The following KSR2 variants were observed in gnomAD, a reference collection of about 807,000 sequenced individuals.
The protein encoded by KSR2 is kinase suppressor of ras 2.
KSR2 carries 25 observed loss-of-function variants against 107.8 expected under a neutral mutation model. The ratio of observed to expected loss-of-function variants is 0.23; its 90% confidence interval spans 0.17 to 0.32. The LOEUF (loss-of-function observed/expected upper bound fraction) is 0.32. KSR2 is among the 10% of genes least tolerant of loss of function. The pLI, the probability that KSR2 is intolerant of heterozygous loss-of-function variation, is 1.00. For synonymous variants in KSR2, 480 were observed against 507.0 expected, an observed-to-expected ratio of 0.95 and a Z score of 0.71; for missense variants, 887 against 1,268.9, an observed-to-expected ratio of 0.70 and a Z score of 4.57.
chr12:117,952,073 T>C (rs757877785), intron 1 of KSR2, among the ~76,000 whole-genome samples: 19 of 151,960 alleles, frequency 1.3e-4, no homozygotes, highest in Admixed American at 2.0e-4. Flanking sequence ...TCTGGGGATA[T>C]AATATACAAT....
chr12:117,509,956 G>C (rs1489426118), intron 14 of KSR2, among the ~76,000 whole-genome samples: 1 of 152,196 alleles, frequency 6.6e-6, no homozygotes, highest in African/African-American at 2.4e-5. Flanking sequence ...AAGAGGGCTG[G>C]GGAGAAGGGC....
At chr12:117,777,107 T>TATATATATATATATATATATATAC (rs58787858) in intron 3 of KSR2, among the ~76,000 whole-genome samples, 7 of 66,144 alleles carry the variant, frequency 1.1e-4, no homozygotes, top group African/African-American at 3.6e-4. Context: ...TATATATATA[T>TATATATATATATATATATATATAC]ACACACACAC....
intron 17 of KSR2, 58 bp downstream of exon 17, chr12:117,476,406 G>C: frequency 6.7e-7 from 1 of 1,499,318 alleles, no homozygotes; most frequent in East Asian, 2.5e-5. Flanking sequence ...TGAAAGACTT[G>C]AGAAGTGCCC....
intron 3 of KSR2, among the ~76,000 whole-genome samples, chr12:117,785,700 A>G (rs1176770634): frequency 6.6e-6 from 1 of 152,202 alleles, no homozygotes; most frequent in Non-Finnish European, 1.5e-5. Context: ...AACGGAGATG[A>G]CAAAGGAAAG....
intron 3 of KSR2, among the ~76,000 whole-genome samples, chr12:117,812,842 C>CAA (rs3073170): frequency 0.024 from 2,252 of 95,566 alleles, 55 homozygotes; most frequent in South Asian, 0.089. Context: ...CCCAAATAGC[C>CAA]AAAAAAAAAA....
chr12:117,952,452 C>T (rs142743995), intron 1 of KSR2, among the ~76,000 whole-genome samples: 1 of 152,084 alleles, frequency 6.6e-6, no homozygotes, highest in Non-Finnish European at 1.5e-5. Flanking sequence ...AGTTCAAGAC[C>T]AGCCTGGCCA....
chr12:117,800,216 C>T (rs1224215298), intron 3 of KSR2, among the ~76,000 whole-genome samples: 5 of 152,142 alleles, frequency 3.3e-5, no homozygotes, highest in African/African-American at 1.2e-4. Flanking sequence ...GTCTGCTGGA[C>T]ACCATCTCAG....
At chr12:117,639,356 G>T (rs1883252397) in intron 5 of KSR2, among the ~76,000 whole-genome samples, 1 of 151,136 alleles carries the variant, frequency 6.6e-6, no homozygotes, top group Non-Finnish European at 1.5e-5. Context: ...TAGAGACAGA[G>T]TCTTGCTGTG....
intron 1 of KSR2, among the ~76,000 whole-genome samples, chr12:117,906,353 C>CAAAA (rs57733205): frequency 5.2e-5 from 3 of 58,200 alleles, no homozygotes; most frequent in African/African-American, 1.3e-4. Flanking sequence ...AACTCTGTCT[C>CAAAA]AAAAAAAAAA....
chr12:117,643,968 G>A (rs2136413722), intron 5 of KSR2, among the ~76,000 whole-genome samples: 1 of 152,344 alleles, frequency 6.6e-6, no homozygotes, highest in East Asian at 1.9e-4. Flanking sequence ...TGTGGCAGAT[G>A]TTTTAGGCCC....
intron 7 of KSR2, among the ~76,000 whole-genome samples, chr12:117,573,496 G>A (rs913977983): frequency 1.3e-5 from 2 of 151,280 alleles, no homozygotes; most frequent in Admixed American, 6.6e-5. Context: ...GTGTCTGACC[G>A]GCAGCCTGTG....
chr12:117,616,828 T>G (rs1454936020), intron 5 of KSR2, among the ~76,000 whole-genome samples: 1 of 152,238 alleles, frequency 6.6e-6, no homozygotes, highest in Non-Finnish European at 1.5e-5. Flanking sequence ...ACTTGAAATA[T>G]CTGGCAATTC....
At chr12:117,710,703 T>C (rs577516565) in intron 4 of KSR2, among the ~76,000 whole-genome samples, 82 of 152,280 alleles carry the variant, frequency 5.4e-4, no homozygotes, top group Admixed American at 1.8e-3. Context: ...AGAAGCTATA[T>C]AAAGCTTTTA....
At chr12:117,607,805 C>T (rs1881373953) in intron 5 of KSR2, among the ~76,000 whole-genome samples, 1 of 152,190 alleles carries the variant, frequency 6.6e-6, no homozygotes, top group East Asian at 1.9e-4. Context: ...GGCCGACAGA[C>T]AGGTGTGACA....
chr12:117,649,092 G>A (rs1269051337), intron 5 of KSR2, among the ~76,000 whole-genome samples: 1 of 152,172 alleles, frequency 6.6e-6, no homozygotes, highest in Admixed American at 6.5e-5. Flanking sequence ...GTATGCAGAT[G>A]GCATCAATAT....
intron 5 of KSR2, among the ~76,000 whole-genome samples, chr12:117,626,458 A>T (rs1485360128): frequency 6.6e-6 from 1 of 152,110 alleles, no homozygotes; most frequent in Non-Finnish European, 1.5e-5. Flanking sequence ...TCATTTTGTT[A>T]TCTACCCAGT....
intron 4 of KSR2, among the ~76,000 whole-genome samples, chr12:117,752,823 A>T (rs1019803814): frequency 3.9e-4 from 60 of 152,216 alleles, no homozygotes; most frequent in Admixed American, 3.2e-3. Context: ...TCTTCTGAAA[A>T]GAAGGAACAA....
chr12:117,651,618 A>C (rs1410545210), intron 5 of KSR2, among the ~76,000 whole-genome samples: 2 of 152,210 alleles, frequency 1.3e-5, no homozygotes, highest in Non-Finnish European at 2.9e-5. Context: ...GGTTAGCCGA[A>C]ATATGGATTA....
At chr12:117,471,992 T>TC (rs915245153) in intron 17 of KSR2, among the ~76,000 whole-genome samples, 3 of 152,054 alleles carry the variant, frequency 2.0e-5, no homozygotes, top group African/African-American at 7.2e-5. Context: ...CTTTTTTTTT[T>TC]CTAAGTATAA....
Sources: gnomAD v4.1 joint callset for allele counts (sites outside exome capture counted in the v4.1 genomes callset) on GRCh38, gnomAD v4.1.1 for gene constraint, MANE v1.5 for transcripts, NCBI Gene and HGNC (gene_info 2026-07-23, HGNC 2026-07-21) for gene names.